THSD7B: variants seen among roughly 807,000 people sequenced by gnomAD.
The protein encoded by THSD7B is thrombospondin type-1 domain-containing protein 7B.
A neutral mutation model predicts 213.6 loss-of-function variants in THSD7B; 138 were observed. That is an observed-to-expected ratio of 0.65 (90% CI 0.56 to 0.74). The LOEUF is 0.74. Among genes scored for constraint, THSD7B ranks in the 30% least tolerant of loss-of-function variants. The pLI, the probability that THSD7B is intolerant of heterozygous loss-of-function variation, is 0.00. For synonymous variants in THSD7B, 742 were observed against 687.0 expected, an observed-to-expected ratio of 1.08 and a Z score of -1.25; for missense variants, 1,931 against 1,991.5, an observed-to-expected ratio of 0.97 and a Z score of 0.58.
At chr2:136,945,837 T>C (rs1165308900) in intron 2 of THSD7B, among the ~76,000 whole-genome samples, 1 of 152,242 alleles carries the variant, frequency 6.6e-6, no homozygotes, top group African/African-American at 2.4e-5. Context: ...ATTTAAGGTC[T>C]TCTCTACACT....
chr2:137,182,261 A>G (rs1272152122), intron 7 of THSD7B, among the ~76,000 whole-genome samples: 1 of 152,196 alleles, frequency 6.6e-6, no homozygotes, highest in African/African-American at 2.4e-5. Context: ...TCACAAAATC[A>G]TTTCCATGCA....
At chr2:137,073,194 T>A (rs1158172618) in intron 3 of THSD7B, among the ~76,000 whole-genome samples, 2 of 152,202 alleles carry the variant, frequency 1.3e-5, no homozygotes, top group African/African-American at 4.8e-5. Context: ...AGTTCCTCTT[T>A]GTACCTCTGG....
intron 15 of THSD7B, among the ~76,000 whole-genome samples, chr2:137,461,147 G>A (rs115809412): frequency 0.015 from 2,207 of 151,940 alleles, 54 homozygotes; most frequent in African/African-American, 0.051. Context: ...CCAGTCTGGG[G>A]CTATTACAAA....
chr2:137,534,969 C>T (rs1680474194), intron 15 of THSD7B, among the ~76,000 whole-genome samples: 1 of 151,512 alleles, frequency 6.6e-6, no homozygotes, highest in Non-Finnish European at 1.5e-5. Context: ...CTGTTGGCAT[C>T]TGCCTTAATT....
At chr2:137,170,992 A>G (rs1297993081) in intron 7 of THSD7B, 54 bp downstream of exon 7, 1 of 1,547,452 alleles carries the variant, frequency 6.5e-7, no homozygotes, top group East Asian at 2.3e-5. Context: ...CAGCCAAATA[A>G]CACATGACCA....
At chr2:137,611,949 T>C (rs1682297364) in intron 17 of THSD7B, among the ~76,000 whole-genome samples, 1 of 152,210 alleles carries the variant, frequency 6.6e-6, no homozygotes, top group African/African-American at 2.4e-5. Flanking sequence ...GTGTCTTGCA[T>C]TTAATGTATT....
intron 7 of THSD7B, among the ~76,000 whole-genome samples, chr2:137,191,756 T>C (rs952563273): frequency 3.9e-5 from 6 of 152,134 alleles, no homozygotes; most frequent in African/African-American, 1.4e-4. Context: ...CACTGCAGCC[T>C]GTGCACAGGC....
chr2:137,083,826 G>T (rs187506867), intron 3 of THSD7B, among the ~76,000 whole-genome samples: 5 of 152,116 alleles, frequency 3.3e-5, no homozygotes, highest in Admixed American at 1.3e-4. Flanking sequence ...GCAAGCTGCT[G>T]CCATATGGAT....
Position 137,115,112 on chromosome 2 carries a change from CA to C in THSD7B, c.1200-9del, listed in dbSNP as rs917823344. On this transcript the variant is annotated splice_polypyrimidine_tract_variant and intron_variant, in intron 4 of 27. Transcript: ENST00000409968. ...CTTCTTCTTCTTCTTTTAAATAAAC[CA>C]AACCAAACAGGTATTCCTGGAGAAC... The C allele has an allele frequency of 6.2e-7, 1 of 1,613,676 alleles. No individual in the cohort carries two copies. Among genetic ancestry groups the C allele is most frequent in the African/African-American group, 1.3e-5 (1 of 74,874 alleles).
At chr2:137,210,643 C>T (rs938396246) in intron 7 of THSD7B, among the ~76,000 whole-genome samples, 2 of 151,884 alleles carry the variant, frequency 1.3e-5, no homozygotes, top group African/African-American at 2.4e-5. Flanking sequence ...GGGCTGACTT[C>T]GTTTGATGTA....
In THSD7B at chr2:137,115,187, T is replaced by A; in HGVS notation, c.1263T>A (p.Asp421Glu). The A allele has an allele frequency of 6.2e-7, 1 of 1,613,878 alleles. No individual in the cohort carries two copies. The highest frequency in any genetic ancestry group is 8.5e-7 in the Non-Finnish European group (1 of 1,179,866). The change falls in exon 5 of 28, where the codon GAT becomes GAA. Residue 421 changes from aspartate to glutamate, a missense_variant. By Grantham distance (45) the Asp-to-Glu change is conservative (BLOSUM62 2). Coordinates refer to ENST00000409968, the MANE Select transcript of THSD7B (RefSeq NM_001316349.2). ...CQVSLLLEQQ[D>E]PHWHVTGPVC... ...TCTCTCTCCTCCTCGAGCAGCAGGA[T>A]CCCCACTGGCATGTGACGGGACCCG...
intron 2 of THSD7B, among the ~76,000 whole-genome samples, chr2:136,988,285 T>A (rs1424505550): frequency 2.0e-5 from 3 of 152,200 alleles, no homozygotes; most frequent in African/African-American, 7.2e-5. Context: ...GCCTCAGAAG[T>A]GGAGCAGGGA....
chr2:136,770,258 GCA>G (rs1410634634), intron 1 of THSD7B, among the ~76,000 whole-genome samples: 1 of 152,122 alleles, frequency 6.6e-6, no homozygotes, highest in Non-Finnish European at 1.5e-5. Context: ...CATGTAGTAT[GCA>G]TACATGAAAG....
rs142251345 is a variant in THSD7B at position 137,645,018 on chromosome 2, G to A, written c.3945+2385G>A. 2.5e-3 allele frequency among the ~76,000 whole-genome samples: 379 copies of A among 152,202 alleles called. 1 individual carries two copies. Among genetic ancestry groups the A allele is most frequent in the African/African-American group, 8.8e-3 (366 of 41,532 alleles). On this transcript the variant is annotated intron_variant, in intron 21 of 27. Transcript: ENST00000409968. ...ATATGCTCATAAATCTGCTTGAGGAGCTCAGATTCTGGAGTCTAGCAGCCC... is the reference window on the plus strand; with the variant it reads ...ATATGCTCATAAATCTGCTTGAGGAACTCAGATTCTGGAGTCTAGCAGCCC...
intron 1 of THSD7B, among the ~76,000 whole-genome samples, chr2:136,862,445 G>T (rs762413505): frequency 6.6e-6 from 1 of 152,166 alleles, no homozygotes; most frequent in Non-Finnish European, 1.5e-5. Context: ...CTTCTTTGCT[G>T]AACATTGAAC....
At chr2:137,512,616 A>G (rs1371130436) in intron 15 of THSD7B, among the ~76,000 whole-genome samples, 1 of 151,092 alleles carries the variant, frequency 6.6e-6, no homozygotes, top group Admixed American at 6.6e-5. Context: ...CATATCTTGA[A>G]CTCTTGAGCT....
chr2:137,213,228 C>G (rs1013483705), intron 7 of THSD7B, among the ~76,000 whole-genome samples: 2 of 151,112 alleles, frequency 1.3e-5, no homozygotes, highest in Non-Finnish European at 2.9e-5. Flanking sequence ...AGGTAGCTAG[C>G]TAGCTAGATA....
chr2:137,382,810 C>A (rs1236261971), intron 12 of THSD7B, among the ~76,000 whole-genome samples: 1 of 152,168 alleles, frequency 6.6e-6, no homozygotes, highest in Non-Finnish European at 1.5e-5. Flanking sequence ...GGGTCTGAGG[C>A]ACCCCTAGAC....
At chr2:136,874,429 C>T (rs1408936973) in intron 1 of THSD7B, among the ~76,000 whole-genome samples, 1 of 152,150 alleles carries the variant, frequency 6.6e-6, no homozygotes, top group East Asian at 1.9e-4. Flanking sequence ...CCCCGTTGAT[C>T]GGCCATCTTT....
Sources: allele counts gnomAD v4.1 joint callset (sites outside exome capture counted in the v4.1 genomes callset), GRCh38; gene constraint gnomAD v4.1.1; transcripts MANE v1.5; gene names NCBI Gene and HGNC (gene_info 2026-07-23, HGNC 2026-07-21).